The following FAF1 variants were observed in gnomAD, a reference collection of about 807,000 sequenced individuals.
FAF1 encodes FAS-associated factor 1.
Under a neutral mutation model 92.5 loss-of-function variants are expected in FAF1, and 25 were observed. The observed-to-expected ratio is 0.27, with a 90% CI of 0.20 to 0.38. FAF1 has a LOEUF of 0.38. Among genes scored for constraint, FAF1 ranks in the 10% least tolerant of loss-of-function variants. FAF1 has a pLI of 1.00. For missense variants in FAF1, 636 were observed against 793.3 expected, an observed-to-expected ratio of 0.80 and a Z score of 2.38; for synonymous variants, 234 against 273.2, an observed-to-expected ratio of 0.86 and a Z score of 1.42.
intron 1 of FAF1, among the ~76,000 whole-genome samples, chr1:50,912,744 G>A (rs1191592531): frequency 2.0e-5 from 3 of 152,118 alleles, no homozygotes; most frequent in Admixed American, 6.5e-5. Context: ...CAGTGTAGGT[G>A]CATGCACATT....
chr1:50,595,426 T>G (rs1651751157), intron 9 of FAF1, among the ~76,000 whole-genome samples: 1 of 152,160 alleles, frequency 6.6e-6, no homozygotes, highest in Non-Finnish European at 1.5e-5. Flanking sequence ...CTTTGTTATC[T>G]AAAGATATTA....
At chr1:50,708,171 A>C (rs1657768358) in intron 6 of FAF1, among the ~76,000 whole-genome samples, 2 of 152,188 alleles carry the variant, frequency 1.3e-5, no homozygotes, top group Non-Finnish European at 2.9e-5. Context: ...TTTATACAAG[A>C]TTATTCTGGC....
chr1:50,518,530 T>TC (rs1290824407), intron 15 of FAF1, among the ~76,000 whole-genome samples: 4 of 151,274 alleles, frequency 2.6e-5, no homozygotes, highest in Non-Finnish European at 5.9e-5. Context: ...AAGCTCCGCC[T>TC]CCCGGGTTCA....
chr1:50,652,432 T>A (rs951382140), intron 8 of FAF1, among the ~76,000 whole-genome samples: 1 of 152,250 alleles, frequency 6.6e-6, no homozygotes, highest in African/African-American at 2.4e-5. Context: ...ACTTTGCCTA[T>A]CATTCTTGGA....
intron 8 of FAF1, among the ~76,000 whole-genome samples, chr1:50,650,886 T>A (rs1654833445): frequency 6.6e-6 from 1 of 152,202 alleles, no homozygotes; most frequent in Non-Finnish European, 1.5e-5. Flanking sequence ...ATTTTCCTAC[T>A]GGTAAAGCTT....
chr1:50,686,322 C>A (rs1054434379), intron 7 of FAF1, among the ~76,000 whole-genome samples: 2 of 152,070 alleles, frequency 1.3e-5, no homozygotes, highest in African/African-American at 4.8e-5. Context: ...GCAGGCAGAT[C>A]ACCTGAGGCC....
intron 4 of FAF1, among the ~76,000 whole-genome samples, chr1:50,748,794 A>G (rs1434528945): frequency 6.6e-6 from 1 of 152,228 alleles, no homozygotes; most frequent in Non-Finnish European, 1.5e-5. Flanking sequence ...CATGAATACC[A>G]AAAAGACTGA....
chr1:50,595,040 T>C (rs1558008596), intron 9 of FAF1, among the ~76,000 whole-genome samples: 1 of 151,830 alleles, frequency 6.6e-6, no homozygotes, highest in Non-Finnish European at 1.5e-5. Context: ...GCCATCACTA[T>C]TATTATTATC....
chr1:50,918,099 C>T (rs1408613464), intron 1 of FAF1, among the ~76,000 whole-genome samples: 1 of 151,950 alleles, frequency 6.6e-6, no homozygotes, highest in Non-Finnish European at 1.5e-5. Context: ...TGGGCCACCA[C>T]ACCCTGCCTA....
intron 3 of FAF1, among the ~76,000 whole-genome samples, chr1:50,798,266 G>T (rs1661839873): frequency 6.6e-6 from 1 of 152,110 alleles, no homozygotes; most frequent in South Asian, 2.1e-4. Flanking sequence ...TCTTCTCTAG[G>T]TGTTCTCAAT....
At chr1:50,541,683 G>C (rs1648764903) in intron 13 of FAF1, among the ~76,000 whole-genome samples, 1 of 151,674 alleles carries the variant, frequency 6.6e-6, no homozygotes, top group Non-Finnish European at 1.5e-5. Context: ...CTGCCCATAA[G>C]TGCTATTAAG....
intron 4 of FAF1, among the ~76,000 whole-genome samples, chr1:50,746,515 T>A (rs1023973442): frequency 6.6e-6 from 1 of 150,920 alleles, no homozygotes; most frequent in African/African-American, 2.4e-5. Flanking sequence ...TTGGTCAGGC[T>A]GGTCTCAAAC....
intron 1 of FAF1, among the ~76,000 whole-genome samples, chr1:50,932,590 TC>T (rs1645057378): frequency 6.6e-6 from 1 of 152,218 alleles, no homozygotes; most frequent in South Asian, 2.1e-4. Context: ...CTAGGTGCTT[TC>T]ACAGGCTGGC....
At chr1:50,836,666 T>C (rs1023464183) in intron 2 of FAF1, among the ~76,000 whole-genome samples, 2 of 152,186 alleles carry the variant, frequency 1.3e-5, no homozygotes, top group Non-Finnish European at 2.9e-5. Flanking sequence ...GCCAAATACA[T>C]ATACCATTTC....
chr1:50,714,839 G>C (rs532472287), intron 6 of FAF1, among the ~76,000 whole-genome samples: 1 of 152,176 alleles, frequency 6.6e-6, no homozygotes, highest in East Asian at 1.9e-4. Context: ...CAGAGCCCCT[G>C]GGCAGACAGA....
chr1:50,519,405 AGG>A (rs1647384193), intron 15 of FAF1, among the ~76,000 whole-genome samples: 1 of 105,098 alleles, frequency 9.5e-6, no homozygotes, highest in Non-Finnish European at 1.9e-5. Context: ...GGAAGGAGGG[AGG>A]GAGGGAGAGA....
At chr1:50,478,632 T>A (rs1646665822) in intron 17 of FAF1, among the ~76,000 whole-genome samples, 1 of 152,270 alleles carries the variant, frequency 6.6e-6, no homozygotes, top group African/African-American at 2.4e-5. Context: ...CACTAATTTT[T>A]AAAATATTTT....
At chr1:50,909,653 C>G (rs1570128622) in intron 1 of FAF1, among the ~76,000 whole-genome samples, 2 of 152,296 alleles carry the variant, frequency 1.3e-5, no homozygotes, top group East Asian at 3.9e-4. Context: ...ACCCTTTCTT[C>G]CAGTTGATCA....
chr1:50,604,160 G>A (rs1024529907), intron 8 of FAF1, among the ~76,000 whole-genome samples: 4 of 152,126 alleles, frequency 2.6e-5, no homozygotes, highest in African/African-American at 9.7e-5. Flanking sequence ...GAATTCATCA[G>A]TTGCTTGTAT....
Sources: gnomAD v4.1 joint callset for allele counts (sites outside exome capture counted in the v4.1 genomes callset) on GRCh38, gnomAD v4.1.1 for gene constraint, MANE v1.5 for transcripts, NCBI Gene and HGNC (gene_info 2026-07-23, HGNC 2026-07-21) for gene names.